CTTNBP2: variants seen among roughly 807,000 people sequenced by gnomAD.
CTTNBP2 encodes cortactin-binding protein 2.
A neutral mutation model predicts 156.9 loss-of-function variants in CTTNBP2; 108 were observed. That is an observed-to-expected ratio of 0.69 (90% confidence interval 0.59 to 0.81). The LOEUF (loss-of-function observed/expected upper bound fraction) is 0.81. CTTNBP2 is among the 30% of genes least tolerant of loss of function. The pLI, the probability that CTTNBP2 is intolerant of heterozygous loss-of-function variation, is 0.00. For synonymous variants in CTTNBP2, 767 were observed against 751.8 expected (o/e 1.02, Z -0.33); for missense variants, 1,924 against 2,035.4 (o/e 0.95, Z 1.05).
intron 2 of CTTNBP2, 92 bp downstream of exon 2, chr7:117,861,117 G>T: frequency 1.4e-6 from 1 of 734,444 alleles, no homozygotes; most frequent in South Asian, 1.7e-5. Context: ...AAATCTATTT[G>T]ATTCAAAAAT....
intron 2 of CTTNBP2, among the ~76,000 whole-genome samples, chr7:117,850,766 C>T (rs1584548372): frequency 6.6e-6 from 1 of 152,164 alleles, no homozygotes; most frequent in Admixed American, 6.5e-5. Flanking sequence ...ATAATCTTAA[C>T]AGCCCAGTAC....
Position 117,760,569 on chromosome 7 carries a change from A to G in CTTNBP2, c.3038T>C (p.Val1013Ala), listed in dbSNP as rs1215623537. The change falls in exon 10 of 23, where the codon GTG (valine) becomes GCG (alanine). Residue 1013 changes from valine (V) to alanine (A), a missense_variant. Transcript: ENST00000160373. The part of the protein sequence containing the change: ...QTSWDDFSKA[V>A]SQALTNHFQA... ...GAAATGATTTGTCAGAGCTTGACTC[A>G]CTGCTTTTGAAAAATCATCCCATGA... 6 of 1,614,182 alleles carry G rather than the reference A, an allele frequency of 3.7e-6. No homozygotes were observed. The highest frequency in any genetic ancestry group is 1.1e-5 in the South Asian group (1 of 91,088).
At position 117,873,322 on chromosome 7, in the gene CTTNBP2, G is replaced by A. The variant is rs1375240833; in HGVS notation, c.81+13C>T. Reference sequence around the variant, plus strand: ...CTACACTAGCCCCGCGCCCGCCCCGGGAACTCGGTTACCGCCGCCTCCGCC... The same window carrying A: ...CTACACTAGCCCCGCGCCCGCCCCGAGAACTCGGTTACCGCCGCCTCCGCC... On this transcript the variant is annotated intron_variant, in intron 1 of 22. Coordinates refer to ENST00000160373, the MANE Select transcript of CTTNBP2 (RefSeq NM_033427.3). The A allele has an allele frequency of 3.5e-6, 5 of 1,438,214 alleles. No individual in the cohort carries two copies. Among genetic ancestry groups the A allele is most frequent in the Non-Finnish European group, 4.5e-6 (5 of 1,099,528 alleles). The allele number at this position is 1,438,214 out of a possible 1,614,324, so 89.1% of individuals were successfully genotyped here. A position where few individuals can be genotyped will look rare whatever the true frequency, so the allele number is the denominator to read the frequency against.
At chr7:117,796,698 T>C (rs1799341511) in intron 3 of CTTNBP2, among the ~76,000 whole-genome samples, 1 of 152,230 alleles carries the variant, frequency 6.6e-6, no homozygotes, top group Non-Finnish European at 1.5e-5. Context: ...ATTTGTATTA[T>C]TTTAAAATGT....
intron 5 of CTTNBP2, 129 bp from the exon 6 acceptor site, chr7:117,783,090 A>G (rs895162328): frequency 1.6e-6 from 1 of 608,996 alleles, no homozygotes; most frequent in Non-Finnish European, 2.8e-6. Flanking sequence ...TCAGAATTCC[A>G]TCATGGCAGA....
chr7:117,793,190 A>G (rs1389690969), intron 3 of CTTNBP2, among the ~76,000 whole-genome samples: 1 of 152,228 alleles, frequency 6.6e-6, no homozygotes, highest in African/African-American at 2.4e-5. Context: ...GTAAAGTATC[A>G]TGAAAAGTAC....
At chr7:117,769,109 A>G (rs1263185442) in intron 8 of CTTNBP2, among the ~76,000 whole-genome samples, 1 of 152,222 alleles carries the variant, frequency 6.6e-6, no homozygotes, top group Non-Finnish European at 1.5e-5. Context: ...TCCATACTTC[A>G]AAGAGCTTTC....
chr7:117,872,556 G>C (rs996959090), intron 1 of CTTNBP2, among the ~76,000 whole-genome samples: 7 of 152,240 alleles, frequency 4.6e-5, no homozygotes, highest in Admixed American at 2.6e-4. Flanking sequence ...GAATATTAAG[G>C]GGGTGAAAGT....
At chr7:117,778,469 A>G (rs1203414570) in intron 7 of CTTNBP2, among the ~76,000 whole-genome samples, 1 of 152,224 alleles carries the variant, frequency 6.6e-6, no homozygotes, top group Non-Finnish European at 1.5e-5. Context: ...GAGTAGAGGT[A>G]TTAATAGAAG....
At chr7:117,846,740 T>C (rs1802606631) in intron 2 of CTTNBP2, among the ~76,000 whole-genome samples, 6 of 152,164 alleles carry the variant, frequency 3.9e-5, no homozygotes, top group Admixed American at 2.0e-4. Flanking sequence ...ATGTTAAAAG[T>C]TGCTCCATTA....
chr7:117,728,032 A>T (rs1795190905), intron 17 of CTTNBP2, 57 bp downstream of exon 17: 9 of 1,500,728 alleles, frequency 6.0e-6, no homozygotes, highest in Middle Eastern at 1.8e-4. Flanking sequence ...ACCCTCAAAC[A>T]TCTGAATTGG....
intron 2 of CTTNBP2, among the ~76,000 whole-genome samples, chr7:117,854,761 T>C (rs1029038410): frequency 2.0e-5 from 3 of 152,120 alleles, no homozygotes; most frequent in Non-Finnish European, 4.4e-5. Context: ...TTAGCAAAAA[T>C]AGATGATTTA....
intron 14 of CTTNBP2, among the ~76,000 whole-genome samples, chr7:117,737,164 C>T (rs1353717532): frequency 6.6e-6 from 1 of 152,120 alleles, no homozygotes; most frequent in East Asian, 1.9e-4. Flanking sequence ...CCTTTCAACA[C>T]AGCTGTTTGG....
rs547143442 is a variant in CTTNBP2 at position 117,713,141 on chromosome 7, C to T, written c.4747-1359G>A. On this transcript the variant is annotated intron_variant, in intron 22 of 22. Coordinates refer to ENST00000160373, the MANE Select transcript of CTTNBP2 (RefSeq NM_033427.3). ...AGATCTGAGATGGAACAGTTTCATCCGGAAACTACCCAGGTCCGTGGAAAA... is the reference window on the plus strand; with the variant it reads ...AGATCTGAGATGGAACAGTTTCATCTGGAAACTACCCAGGTCCGTGGAAAA... Among the ~76,000 whole-genome samples, 51 of 152,228 alleles carry T rather than the reference C, an allele frequency of 3.4e-4. 1 individual carries two copies. In the South Asian group the frequency reaches 6.8e-3, roughly 20 times the overall value.
At chr7:117,714,875 G>A (rs902497168) in intron 22 of CTTNBP2, among the ~76,000 whole-genome samples, 13 of 152,288 alleles carry the variant, frequency 8.5e-5, no homozygotes, top group Admixed American at 5.9e-4. Flanking sequence ...AGGGGGCAGC[G>A]GAGTTTAGGA....
At chr7:117,783,693 T>C (rs1798551485) in intron 5 of CTTNBP2, among the ~76,000 whole-genome samples, 1 of 152,206 alleles carries the variant, frequency 6.6e-6, no homozygotes, top group South Asian at 2.1e-4. Context: ...CTATCTGACT[T>C]TGCATTTGCG....
intron 16 of CTTNBP2, among the ~76,000 whole-genome samples, chr7:117,728,573 T>C (rs555116178): frequency 2.6e-5 from 4 of 152,290 alleles, no homozygotes; most frequent in East Asian, 3.9e-4. Context: ...CCACAGGTAA[T>C]AGTGGCAAAG....
chr7:117,856,218 A>G (rs1375366039), intron 2 of CTTNBP2, among the ~76,000 whole-genome samples: 3 of 152,198 alleles, frequency 2.0e-5, no homozygotes. Context: ...TCTGCAGAAG[A>G]AAGACCATAC....
intron 3 of CTTNBP2, among the ~76,000 whole-genome samples, chr7:117,804,016 G>A (rs1388910461): frequency 6.6e-6 from 1 of 152,172 alleles, no homozygotes; most frequent in African/African-American, 2.4e-5. Context: ...AGGCCAGAGT[G>A]TAGTGGGGTG....
Sources: gnomAD v4.1 joint callset for allele counts (sites outside exome capture counted in the v4.1 genomes callset) on GRCh38, gnomAD v4.1.1 for gene constraint, MANE v1.5 for transcripts, NCBI Gene and HGNC (gene_info 2026-07-23, HGNC 2026-07-21) for gene names.